Variants in VTI1A observed in about 807,000 individuals in gnomAD.
VTI1A encodes vesicle transport through interaction with t-SNAREs 1A, also known as vesicle transport through interaction with t-SNAREs homolog 1A.
Under a neutral mutation model 34.9 loss-of-function variants are expected in VTI1A, and 22 were observed. That is an observed-to-expected ratio of 0.63 (90% CI 0.45 to 0.90). The LOEUF is 0.90. Among genes scored for constraint, VTI1A ranks in the 40% least tolerant of loss-of-function variants. The pLI, the probability that VTI1A is intolerant of heterozygous loss-of-function variation, is 0.00. For synonymous variants in VTI1A, 87 were observed against 97.3 expected, an observed-to-expected ratio of 0.89 and a Z score of 0.62; for missense variants, 268 against 275.6, an observed-to-expected ratio of 0.97 and a Z score of 0.20.
At chr10:112,843,790 C>T in the VTI1A span, among the ~76,000 whole-genome samples, 2 of 152,108 alleles carry the variant, frequency 1.3e-5, no homozygotes, top group East Asian at 3.9e-4. Context: ...TCATAACCAC[C>T]CCCAATCCCC....
At chr10:112,605,459 T>C (rs1845042593) in intron 5 of VTI1A, among the ~76,000 whole-genome samples, 1 of 152,194 alleles carries the variant, frequency 6.6e-6, no homozygotes, top group African/African-American at 2.4e-5. Flanking sequence ...GTTTCTCCAC[T>C]ACAACCTTAG....
chr10:112,630,475 A>G (rs1846088630), intron 5 of VTI1A, among the ~76,000 whole-genome samples: 1 of 152,186 alleles, frequency 6.6e-6, no homozygotes, highest in South Asian at 2.1e-4. Context: ...TACCTATATC[A>G]TTGCAATTAA....
intron 7 of VTI1A, among the ~76,000 whole-genome samples, chr10:112,806,828 C>G (rs1853099263): frequency 6.6e-6 from 1 of 152,054 alleles, no homozygotes; most frequent in African/African-American, 2.4e-5. Context: ...CTCAAGGGAT[C>G]CTCCCACCTC....
At chr10:112,823,410 G>A (rs1244686231), downstream of VTI1A, 2 of 152,212 alleles carry the variant, frequency 1.3e-5, no homozygotes, top group African/African-American at 2.4e-5. Flanking sequence ...TGGCTAAGAG[G>A]TGCACCACGG....
At chr10:112,822,971 C>T (rs1449104538), downstream of VTI1A, among the ~76,000 whole-genome samples, 1 of 152,218 alleles carries the variant, frequency 6.6e-6, no homozygotes, top group Non-Finnish European at 1.5e-5. Context: ...TTCCAGAATC[C>T]TGACTCACTC....
chr10:112,790,536 C>A (rs899087072), intron 7 of VTI1A, among the ~76,000 whole-genome samples: 1 of 152,114 alleles, frequency 6.6e-6, no homozygotes, highest in Non-Finnish European at 1.5e-5. Flanking sequence ...CATTACCTAC[C>A]GAGTTTGCTA....
intron 7 of VTI1A, among the ~76,000 whole-genome samples, chr10:112,682,181 T>G (rs1848238815): frequency 6.6e-6 from 1 of 152,208 alleles, no homozygotes; most frequent in Admixed American, 6.5e-5. Flanking sequence ...ATAGATAAAG[T>G]ATTTTCGAGC....
chr10:112,750,181 T>TA (rs1412950822), intron 7 of VTI1A, among the ~76,000 whole-genome samples: 164 of 151,922 alleles, frequency 1.1e-3, no homozygotes, highest in African/African-American at 3.7e-3. Flanking sequence ...TTTTTTTTTT[T>TA]AGTTTTGTTT....
intron 7 of VTI1A, among the ~76,000 whole-genome samples, chr10:112,754,389 A>C (rs1446365529): frequency 6.6e-6 from 1 of 152,140 alleles, no homozygotes; most frequent in Non-Finnish European, 1.5e-5. Context: ...TCTCTGTAGA[A>C]TCCAGGAATG....
chr10:112,545,841 G>A (rs111538772), intron 5 of VTI1A, among the ~76,000 whole-genome samples: 17 of 151,960 alleles, frequency 1.1e-4, no homozygotes, highest in East Asian at 1.9e-4. Context: ...GCACGCGTGC[G>A]CGTGTGTTTG....
At position 112,767,680 on chromosome 10, in the gene VTI1A, ACT is replaced by A; in HGVS notation, c.561-47607_561-47606del. Among the ~76,000 whole-genome samples the A allele has an allele frequency of 6.7e-6, 1 of 148,796 alleles. No homozygotes were observed. The highest frequency in any genetic ancestry group is 2.1e-4 in the South Asian group (1 of 4,712). Reference sequence around the variant, plus strand: ...TGCCTGCCTACCTTATTTCTTCCTTACTCTTTTTTTTTTTCTGTTTCTCTGTA... The same window carrying A: ...TGCCTGCCTACCTTATTTCTTCCTTACTTTTTTTTTTTCTGTTTCTCTGTA... On this transcript the variant is annotated intron_variant, in intron 7 of 7. Coordinates refer to ENST00000393077, the MANE Select transcript of VTI1A (RefSeq NM_145206.4). The surrounding 1 kb of genome is among the most constrained non-coding windows in gnomAD (Gnocchi z 4.0).
intron 7 of VTI1A, among the ~76,000 whole-genome samples, chr10:112,682,614 CTT>C (rs1394552539): frequency 6.6e-6 from 1 of 152,310 alleles, no homozygotes; most frequent in East Asian, 1.9e-4. Context: ...TCCTTAAGAA[CTT>C]TTGCTAAGCC....
chr10:112,621,154 G>A (rs1845718149), intron 5 of VTI1A, among the ~76,000 whole-genome samples: 1 of 152,172 alleles, frequency 6.6e-6, no homozygotes, highest in Admixed American at 6.5e-5. Context: ...TACATGTAAG[G>A]ACTTACAGCG....
chr10:112,794,309 C>G (rs1852595982), intron 7 of VTI1A, among the ~76,000 whole-genome samples: 1 of 152,262 alleles, frequency 6.6e-6, no homozygotes, highest in Non-Finnish European at 1.5e-5. Flanking sequence ...GTAATCCCAG[C>G]ACTGTGGGAG....
At chr10:112,811,572 T>C (rs929640323) in intron 7 of VTI1A, among the ~76,000 whole-genome samples, 9 of 150,974 alleles carry the variant, frequency 6.0e-5, no homozygotes, top group Non-Finnish European at 1.0e-4. Context: ...TAGTCCCAGC[T>C]ACTCGGGAGG....
At chr10:112,742,621 C>G (rs1465158417) in intron 7 of VTI1A, among the ~76,000 whole-genome samples, 1 of 152,198 alleles carries the variant, frequency 6.6e-6, no homozygotes, top group Non-Finnish European at 1.5e-5. Flanking sequence ...TTATACAGAT[C>G]TCCTTTCAGG....
At chr10:112,581,339 A>G (rs966255780) in intron 5 of VTI1A, among the ~76,000 whole-genome samples, 7 of 152,208 alleles carry the variant, frequency 4.6e-5, no homozygotes, top group Non-Finnish European at 8.8e-5. Context: ...TTAGTGTGCC[A>G]GGCCTTGTGG....
At chr10:112,508,522 G>T (rs1280795624) in intron 3 of VTI1A, among the ~76,000 whole-genome samples, 1 of 152,112 alleles carries the variant, frequency 6.6e-6, no homozygotes, top group Non-Finnish European at 1.5e-5. Context: ...ATGACTTCAA[G>T]GGAACCTGTT....
chr10:112,744,045 C>T (rs564763017), intron 7 of VTI1A, among the ~76,000 whole-genome samples: 1 of 152,048 alleles, frequency 6.6e-6, no homozygotes, highest in Non-Finnish European at 1.5e-5. Flanking sequence ...TTTTCTTTGT[C>T]GGTTTGTGTT....
Sources: gnomAD v4.1 joint callset for allele counts (sites outside exome capture counted in the v4.1 genomes callset) on GRCh38, gnomAD v4.1.1 for gene constraint, Gnocchi (gnomAD v3.1) non-coding constraint, MANE v1.5 for transcripts, NCBI Gene and HGNC (gene_info 2026-07-23, HGNC 2026-07-21) for gene names.